The following CDH23 variants were observed in gnomAD, a reference collection of about 807,000 sequenced individuals.
CDH23 encodes the protein cadherin-23.
A neutral mutation model predicts 317.1 loss-of-function variants in CDH23; 189 were observed. That is an observed-to-expected ratio of 0.60 (90% CI 0.53 to 0.67). CDH23 has a LOEUF of 0.67. CDH23 is among the 30% of genes least tolerant of loss of function. CDH23 has a pLI of 0.00. For missense variants in CDH23, 4,401 were observed against 4,592.4 expected, an observed-to-expected ratio of 0.96 and a Z score of 1.20; for synonymous variants, 1,839 against 1,876.8, an observed-to-expected ratio of 0.98 and a Z score of 0.52.
rs2132682497 is a variant in CDH23 at position 71,682,458 on chromosome 10, T to C, written c.1872T>C (p.Ser624=). ...LYEGYGVISV[S]RPLDYEQISN... ...CTGTCATTGCAGTGATCAGCGTCAG[T>C]CGCCCCCTGGATTATGAACAGATAT... The change falls in exon 18 of 70, where the codon AGT becomes AGC. Residue 624 remains serine (S), a synonymous_variant. Coordinates refer to ENST00000224721, the MANE Select transcript of CDH23 (RefSeq NM_022124.6). 6.2e-7 allele frequency: 1 copy of C among 1,612,102 alleles called. No individual in the cohort carries two copies.
intron 6 of CDH23, among the ~76,000 whole-genome samples, chr10:71,562,601 G>C (rs907089780): frequency 5.9e-5 from 9 of 152,202 alleles, no homozygotes; most frequent in African/African-American, 1.9e-4. Flanking sequence ...GGCATGTTCT[G>C]GGGGGCAGGA....
chr10:71,765,127 G>C (rs1840502031), intron 38 of CDH23, among the ~76,000 whole-genome samples: 1 of 152,204 alleles, frequency 6.6e-6, no homozygotes, highest in Non-Finnish European at 1.5e-5. Flanking sequence ...CTGCCCCAAG[G>C]GGGCCCTGTG....
At chr10:71,427,249 A>AAGAAAGAAAGAAAGAAAGAAAG (rs1564573016) in intron 1 of CDH23, among the ~76,000 whole-genome samples, 3 of 136,166 alleles carry the variant, frequency 2.2e-5, no homozygotes, top group African/African-American at 8.6e-5. Flanking sequence ...AAGAAAGGGA[A>AAGAAAGAAAGAAAGAAAGAAAG]AGAAAGAAAG....
In CDH23 at chr10:71,601,170, G is replaced by A. The variant is rs567807792; in HGVS notation, c.833-14334G>A. 7.9e-5 allele frequency among the ~76,000 whole-genome samples: 12 copies of A among 152,312 alleles called. No homozygotes were observed. The South Asian group carries it at 2.5e-3, about 32-fold the overall frequency. On this transcript the variant is annotated intron_variant, in intron 9 of 69. Transcript: ENST00000224721. ...GGCACAATCTGCATCCTTTCTGGTG[G>A]AGCCTTCTAGAAGCATTGTTTCTAG...
intron 9 of CDH23, among the ~76,000 whole-genome samples, chr10:71,613,848 C>G (rs967209654): frequency 6.6e-6 from 1 of 152,190 alleles, no homozygotes; most frequent in African/African-American, 2.4e-5. Context: ...GAATCGGTGT[C>G]CATCCATCCT....
chr10:71,520,817 C>T (rs1196342380), intron 6 of CDH23, among the ~76,000 whole-genome samples: 1 of 152,200 alleles, frequency 6.6e-6, no homozygotes, highest in Non-Finnish European at 1.5e-5. Context: ...ATTATCCAAA[C>T]AGCCTGGGGA....
intron 21 of CDH23, among the ~76,000 whole-genome samples, chr10:71,694,784 G>T (rs1865316519): frequency 6.6e-6 from 1 of 152,174 alleles, no homozygotes; most frequent in Non-Finnish European, 1.5e-5. Flanking sequence ...GGGAGAGGAA[G>T]CGGGAGGACC....
chr10:71,550,882 G>T (rs1258682985), intron 6 of CDH23, among the ~76,000 whole-genome samples: 1 of 152,202 alleles, frequency 6.6e-6, no homozygotes, highest in East Asian at 1.9e-4. Context: ...GGAAGGAAAA[G>T]CAGATGTAGA....
intron 38 of CDH23, among the ~76,000 whole-genome samples, chr10:71,752,552 G>A (rs1840031448): frequency 6.6e-6 from 1 of 152,146 alleles, no homozygotes; most frequent in Non-Finnish European, 1.5e-5. Flanking sequence ...ACCACTCTGG[G>A]ACCCCTCAGC....
At chr10:71,679,057 G>A (rs1864496307) in intron 16 of CDH23, among the ~76,000 whole-genome samples, 1 of 152,114 alleles carries the variant, frequency 6.6e-6, no homozygotes, top group South Asian at 2.1e-4. Context: ...CTGGGGTTGG[G>A]GGTGGGAGGT....
At chr10:71,510,866 T>G in intron 4 of CDH23, 88 bp from the exon 5 acceptor site, 1 of 1,315,670 alleles carries the variant, frequency 7.6e-7, no homozygotes, top group Non-Finnish European at 1.1e-6. Flanking sequence ...AGGGCAATCC[T>G]GGAGCCCCTC....
At chr10:71,705,202 AG>A (rs1865740972) in intron 25 of CDH23, 72 bp downstream of exon 25, 3 of 1,400,256 alleles carry the variant, frequency 2.1e-6, no homozygotes, top group South Asian at 2.6e-5. Context: ...GCAGGGGTAG[AG>A]GGGAGCCCAT....
intron 9 of CDH23, among the ~76,000 whole-genome samples, chr10:71,579,258 G>A (rs1858458351): frequency 6.6e-6 from 1 of 152,050 alleles, no homozygotes. Flanking sequence ...GGCTCCCTGG[G>A]ACCCGCAGCT....
chr10:71,748,790 G>C (rs576786661), intron 38 of CDH23: 2 of 152,694 alleles, frequency 1.3e-5, no homozygotes, highest in African/African-American at 4.8e-5. Flanking sequence ...CTACCATCCC[G>C]GGCAACTCAG....
At chr10:71,810,777 A>G (rs1841892353) in intron 62 of CDH23, among the ~76,000 whole-genome samples, 1 of 152,098 alleles carries the variant, frequency 6.6e-6, no homozygotes, top group Non-Finnish European at 1.5e-5. Context: ...CCCTCTCCCC[A>G]TCTGTAACAT....
chr10:71,543,492 C>T (rs1856099541), intron 6 of CDH23, among the ~76,000 whole-genome samples: 1 of 152,182 alleles, frequency 6.6e-6, no homozygotes, highest in Admixed American at 6.5e-5. Context: ...CTGTCCATGC[C>T]GGGTGAATAC....
chr10:71,738,450 C>T (rs1208345064), intron 34 of CDH23, 48 bp from the exon 35 acceptor site: 16 of 1,612,572 alleles, frequency 9.9e-6, no homozygotes, highest in Non-Finnish European at 1.1e-5. Flanking sequence ...GTGTTTGGGG[C>T]CAAGGAGGGG....
chr10:71,777,028 G>T (rs776859053), intron 38 of CDH23, among the ~76,000 whole-genome samples: 1 of 152,228 alleles, frequency 6.6e-6, no homozygotes, highest in Non-Finnish European at 1.5e-5. Flanking sequence ...TCAAGCATTG[G>T]CAGAGATGGC....
chr10:71,792,852 AATATATATAT>A (rs1554874675), intron 47 of CDH23, among the ~76,000 whole-genome samples: 16 of 38,516 alleles, frequency 4.2e-4, no homozygotes, highest in African/African-American at 1.1e-3. Flanking sequence ...AAAAAAAAAA[AATATATATAT>A]ATATATATAT....
Sources: gnomAD v4.1 joint callset for allele counts (sites outside exome capture counted in the v4.1 genomes callset) on GRCh38, gnomAD v4.1.1 for gene constraint, MANE v1.5 for transcripts, NCBI Gene and HGNC (gene_info 2026-07-23, HGNC 2026-07-21) for gene names.